Variants in HECW1 observed in about 807,000 individuals in gnomAD.
HECW1 encodes E3 ubiquitin-protein ligase HECW1.
Under a neutral mutation model 182.3 loss-of-function variants are expected in HECW1, and 61 were observed. That is an observed-to-expected ratio of 0.33 (90% CI 0.27 to 0.41). The LOEUF (loss-of-function observed/expected upper bound fraction) is 0.41. HECW1 is among the 10% of genes least tolerant of loss of function. The pLI is 1.00. For missense variants in HECW1, 1,739 were observed against 2,108.9 expected, an observed-to-expected ratio of 0.82 and a Z score of 3.44; for synonymous variants, 859 against 832.6, an observed-to-expected ratio of 1.03 and a Z score of -0.55.
rs569746371 is a variant in HECW1, at chr7:43,171,485, A to G, written c.-32+57094A>G. Among the ~76,000 whole-genome samples, 175 of 152,326 alleles carry G rather than the reference A, an allele frequency of 1.1e-3. 2 individuals are homozygous for G. Among genetic ancestry groups the G allele is most frequent in the Admixed American group, 2.4e-3 (36 of 15,302 alleles). On this transcript the variant is annotated intron_variant, in intron 2 of 29. Coordinates refer to ENST00000395891, the MANE Select transcript of HECW1 (RefSeq NM_015052.5). ...AGCCACTGCGTGCTGGCCAGGCTCCAAGGAAAGACGACCCTCAGGGGCTCC... is the reference window on the plus strand; with the variant it reads ...AGCCACTGCGTGCTGGCCAGGCTCCGAGGAAAGACGACCCTCAGGGGCTCC...
At chr7:43,299,317 C>T (rs544465591) in intron 3 of HECW1, among the ~76,000 whole-genome samples, 122 of 152,208 alleles carry the variant, frequency 8.0e-4, no homozygotes, top group Non-Finnish European at 1.4e-3. Flanking sequence ...GGTACCTTCC[C>T]GGTATCTTTG....
Position 43,247,811 on chromosome 7 carries a change from AAAAG to A in HECW1, c.27+3885_27+3888del, listed in dbSNP as rs201001666. ...AAAGAAAAGAAGGAGGGAAGGAAAG[AAAAG>A]AAAGAGAGAGAAAGGTAAGAAGGAA... On this transcript the variant is annotated intron_variant, in intron 3 of 29. Transcript: ENST00000395891. 2.1e-3 allele frequency among the ~76,000 whole-genome samples: 299 copies of A among 142,986 alleles called. 6 individuals are homozygous for A. The highest frequency in any genetic ancestry group is 7.5e-3 in the African/African-American group (265 of 35,476). 93.8% of individuals were successfully genotyped at this position (142,986 alleles called of 152,430 possible).
intron 4 of HECW1, among the ~76,000 whole-genome samples, chr7:43,319,687 C>T (rs998003755): frequency 7.2e-6 from 1 of 138,638 alleles, no homozygotes; most frequent in African/African-American, 2.8e-5. Context: ...GCAAACTCCA[C>T]CTCCTGGGTT....
intron 24 of HECW1, among the ~76,000 whole-genome samples, chr7:43,530,182 T>A (rs2080924872): frequency 6.8e-6 from 1 of 147,098 alleles, no homozygotes; most frequent in South Asian, 2.2e-4. Flanking sequence ...GGTTTCAAAC[T>A]CCTGACCTCA....
At chr7:43,366,185 C>A (rs745800508) in intron 6 of HECW1, among the ~76,000 whole-genome samples, 4 of 152,082 alleles carry the variant, frequency 2.6e-5, no homozygotes, top group Non-Finnish European at 5.9e-5. Flanking sequence ...GTCAGACCCC[C>A]TGAGCAGAGG....
Position 43,445,200 on chromosome 7 carries a change from C to T in HECW1, c.2028C>T (p.Ser676=), listed in dbSNP as rs2077010231. 6.2e-7 allele frequency: 1 copy of T among 1,613,036 alleles called. No individual in the cohort carries two copies. The highest frequency in any genetic ancestry group is 8.5e-7 in the Non-Finnish European group (1 of 1,179,742). Reference sequence around the variant, plus strand: ...ACAGTTGCGAGGGCTGTGACGCGTCCTGCTGCAGCCCCTCGTGCTACAGCT... The same window carrying T: ...ACAGTTGCGAGGGCTGTGACGCGTCTTGCTGCAGCCCCTCGTGCTACAGCT... ...GDHSCEGCDA[S]CCSPSCYSSS... Residue 676 remains serine (S), a synonymous_variant, in exon 11 of 30, where the codon TCC becomes TCT. Transcript: ENST00000395891.
intron 6 of HECW1, among the ~76,000 whole-genome samples, chr7:43,374,570 C>G (rs530651017): frequency 5.8e-5 from 3 of 51,884 alleles, no homozygotes; most frequent in South Asian, 1.5e-3. Flanking sequence ...GTCAGGAGAT[C>G]GAGACCATCC....
intron 8 of HECW1, among the ~76,000 whole-genome samples, chr7:43,423,171 C>T (rs188993428): frequency 4.1e-4 from 62 of 152,266 alleles, no homozygotes; most frequent in Admixed American, 1.1e-3. Context: ...TTCTCTGAAA[C>T]GCAGAGCTGG....
chr7:43,480,237 A>G (rs1259690044), intron 17 of HECW1, among the ~76,000 whole-genome samples: 5 of 152,166 alleles, frequency 3.3e-5, no homozygotes, highest in East Asian at 3.8e-4. Flanking sequence ...GCGCTCTACA[A>G]TGTGCTCTTT....
chr7:43,447,546 T>C (rs2077096361), intron 11 of HECW1, among the ~76,000 whole-genome samples: 1 of 152,128 alleles, frequency 6.6e-6, no homozygotes, highest in African/African-American at 2.4e-5. Context: ...ATAAAAAGAT[T>C]CCCGAGGGGT....
At chr7:43,125,222 A>G (rs952216027) in intron 2 of HECW1, among the ~76,000 whole-genome samples, 8 of 152,150 alleles carry the variant, frequency 5.3e-5, no homozygotes, top group Middle Eastern at 3.2e-3. Flanking sequence ...TCCAAGTATC[A>G]TCACACTGGG....
chr7:43,286,741 A>G (rs1183217243), intron 3 of HECW1, among the ~76,000 whole-genome samples: 1 of 152,154 alleles, frequency 6.6e-6, no homozygotes. Flanking sequence ...ATCACACCTT[A>G]TAACTACTAA....
intron 26 of HECW1, among the ~76,000 whole-genome samples, chr7:43,548,091 G>GC (rs2152957341): frequency 6.6e-6 from 1 of 152,320 alleles, no homozygotes; most frequent in Non-Finnish European, 1.5e-5. Flanking sequence ...TGTCTCAACT[G>GC]CCAGTGGCAC....
At chr7:43,478,455 A>G (rs2078298325) in intron 16 of HECW1, among the ~76,000 whole-genome samples, 2 of 152,196 alleles carry the variant, frequency 1.3e-5, no homozygotes, top group African/African-American at 4.8e-5. Flanking sequence ...GCATTATTTT[A>G]AAACAGTAAA....
At chr7:43,368,879 C>G (rs1263076320) in intron 6 of HECW1, among the ~76,000 whole-genome samples, 6 of 152,146 alleles carry the variant, frequency 3.9e-5, no homozygotes, top group African/African-American at 1.4e-4. Context: ...TGGTTCTAAA[C>G]CTTCTCTTCA....
chr7:43,550,765 C>G (rs536268292), intron 27 of HECW1, among the ~76,000 whole-genome samples, 174 bp downstream of exon 27: 44 of 152,276 alleles, frequency 2.9e-4, no homozygotes, highest in Admixed American at 4.6e-4. Flanking sequence ...TGAGGATCTT[C>G]TTGTGGTGGA....
chr7:43,333,198 A>G (rs1811710313), intron 5 of HECW1, among the ~76,000 whole-genome samples: 1 of 152,224 alleles, frequency 6.6e-6, no homozygotes, highest in East Asian at 1.9e-4. Context: ...GGCATCAGAG[A>G]ATACAGACAT....
At chr7:43,486,376 G>A (rs1462320599) in intron 17 of HECW1, among the ~76,000 whole-genome samples, 4 of 151,690 alleles carry the variant, frequency 2.6e-5, no homozygotes, top group African/African-American at 4.8e-5. Flanking sequence ...ATCTTGGCTC[G>A]CTGCAAACTC....
rs193080943 is a variant in HECW1 at position 43,271,518 on chromosome 7, T to C, written c.27+27586T>C. Among the ~76,000 whole-genome samples, 78 of 152,280 alleles carry C rather than the reference T, an allele frequency of 5.1e-4. 1 individual carries two copies. The highest frequency in any genetic ancestry group is 1.0e-3 in the South Asian group (5 of 4,822). ...AAACGATTTTAGCAAGGTTGTAGGG[T>C]ACAAAATCAATGGACAAAAATCAGT... is the stretch of plus-strand genomic sequence containing the variant. On this transcript the variant is annotated intron_variant, in intron 3 of 29. Coordinates refer to ENST00000395891, the MANE Select transcript of HECW1 (RefSeq NM_015052.5).
Sources: gnomAD v4.1 joint callset for allele counts (sites outside exome capture counted in the v4.1 genomes callset) on GRCh38, gnomAD v4.1.1 for gene constraint, MANE v1.5 for transcripts, NCBI Gene and HGNC (gene_info 2026-07-23, HGNC 2026-07-21) for gene names.